The following STYK1 variants were observed in gnomAD, a reference collection of about 807,000 sequenced individuals.
The protein encoded by STYK1 is tyrosine-protein kinase STYK1.
STYK1 carries 46 observed loss-of-function variants against 48.1 expected under a neutral mutation model. The observed-to-expected ratio is 0.96, with a 90% CI of 0.75 to 1.22. The LOEUF is 1.22. Among genes scored for constraint, STYK1 ranks in the 50% most tolerant of loss-of-function variants. The pLI is 0.00. For synonymous variants in STYK1, 188 were observed against 189.0 expected, an observed-to-expected ratio of 0.99 and a Z score of 0.04; for missense variants, 527 against 521.1, an observed-to-expected ratio of 1.01 and a Z score of -0.11.
In STYK1 at chr12:10,624,799, G is replaced by A; in HGVS notation, c.778C>T (p.Gln260Ter). 1 of 1,614,150 alleles carries A rather than the reference G, an allele frequency of 6.2e-7. No homozygotes were observed. The highest frequency in any genetic ancestry group is 8.5e-7 in the Non-Finnish European group (1 of 1,180,022). Reference sequence around the variant, plus strand: ...CAGAGCTTAGCAGTGAGATCACTTTGCATCAGAATATTCCTGGCTGCCACA... The same window carrying A: ...CAGAGCTTAGCAGTGAGATCACTTTACATCAGAATATTCCTGGCTGCCACA... ...GDVAARNILM[Q>*]SDLTAKLCGL... Residue 260 changes from glutamine (Q) to a stop codon, truncating the protein, a stop_gained, in exon 8 of 11, where the codon CAA becomes TAA. Coordinates refer to ENST00000075503, the MANE Select transcript of STYK1 (RefSeq NM_018423.3). LOFTEE classifies it high-confidence loss of function.
chr12:10,645,004 C>T (rs972869922), intron 1 of STYK1, among the ~76,000 whole-genome samples: 4 of 151,734 alleles, frequency 2.6e-5, no homozygotes, highest in South Asian at 4.2e-4. Flanking sequence ...GGAGTTCCAA[C>T]GGATAAGGGC....
chr12:10,643,863 G>A lies in STYK1; in HGVS notation c.-194-6667C>T, dbSNP rs141033083. Among the ~76,000 whole-genome samples, 74 of 152,286 alleles carry A rather than the reference G, an allele frequency of 4.9e-4. 1 individual carries two copies. The East Asian group carries it at 0.01, about 21-fold the overall frequency. On this transcript the variant is annotated intron_variant, in intron 1 of 10. Coordinates refer to ENST00000075503, the MANE Select transcript of STYK1 (RefSeq NM_018423.3). The stretch of plus-strand genomic sequence containing the variant: ...AAGAGATGGCACTGTGCAGGTAGGC[G>A]AGAGGCAGATCATAATGAGCCTTTA...
Position 10,624,873 on chromosome 12 carries a change from A to G in STYK1, c.718-14T>C. The G allele has an allele frequency of 6.2e-7, 1 of 1,610,734 alleles. No homozygotes were observed. Among genetic ancestry groups the G allele is most frequent in the African/African-American group, 1.3e-5 (1 of 74,984 alleles). On this transcript the variant is annotated splice_polypyrimidine_tract_variant and intron_variant, in intron 7 of 10. Coordinates refer to ENST00000075503, the MANE Select transcript of STYK1 (RefSeq NM_018423.3). ...CTGCAGGAATTCCTGTCAAGATAAA[A>G]TCAAATATGATCAGCTGTCTGAGAT...
At chr12:10,635,398 T>A (rs1947475450) in intron 2 of STYK1, among the ~76,000 whole-genome samples, 1 of 152,204 alleles carries the variant, frequency 6.6e-6, no homozygotes, top group Admixed American at 6.5e-5. Context: ...CTCTGAAATA[T>A]CCACACCCTC....
Position 10,621,908 on chromosome 12 carries a change from G to T in STYK1, c.1032C>A (p.Ile344=). 1 of 1,613,892 alleles carries T rather than the reference G, an allele frequency of 6.2e-7. No individual in the cohort carries two copies. The highest frequency in any genetic ancestry group is 8.5e-7 in the Non-Finnish European group (1 of 1,179,854). Residue 344 remains isoleucine (I), a synonymous_variant, in exon 10 of 11, where the codon ATC becomes ATA. Coordinates refer to ENST00000075503, the MANE Select transcript of STYK1 (RefSeq NM_018423.3). The part of the protein sequence containing the change: ...SILEHLQRRK[I]MKRPSSCTHT... ...GTGTGCAGCTACTGGGTCTCTTCAT[G>T]ATTTTCCTTCTTTGGAGATGCTCTA...
In STYK1 at chr12:10,631,318, A is replaced by G. The variant is rs1947426681; in HGVS notation, c.188-10T>C. On this transcript the variant is annotated splice_polypyrimidine_tract_variant and intron_variant, in intron 4 of 10. Coordinates refer to ENST00000075503, the MANE Select transcript of STYK1 (RefSeq NM_018423.3). ...GGAACAGGGGCAATGCCTAGAACAG[A>G]GAGATGATGTCAACCAGTTTTTCCC... 6.2e-7 allele frequency: 1 copy of G among 1,608,262 alleles called. No individual in the cohort carries two copies. Among genetic ancestry groups the G allele is most frequent in the African/African-American group, 1.3e-5 (1 of 74,822 alleles).
intron 1 of STYK1, among the ~76,000 whole-genome samples, chr12:10,649,212 C>T (rs1947633171): frequency 6.6e-6 from 1 of 151,896 alleles, no homozygotes; most frequent in African/African-American, 2.4e-5. Context: ...AAAAATCAAC[C>T]ATGTGTTCAA....
chr12:10,673,314 T>G (rs868478248), intron 1 of STYK1, among the ~76,000 whole-genome samples: 2 of 151,294 alleles, frequency 1.3e-5, no homozygotes, highest in Non-Finnish European at 3.0e-5. Context: ...GAGGCGGAGG[T>G]TGCAGTGAAC....
chr12:10,648,433 T>A (rs1046676992), intron 1 of STYK1, among the ~76,000 whole-genome samples: 13 of 151,942 alleles, frequency 8.6e-5, no homozygotes, highest in African/African-American at 3.1e-4. Context: ...AATATGCCAA[T>A]AAATAAATAG....
chr12:10,659,348 A>C (rs1365897203), intron 1 of STYK1, among the ~76,000 whole-genome samples: 1 of 152,208 alleles, frequency 6.6e-6, no homozygotes, highest in African/African-American at 2.4e-5. Context: ...CTTACGGAAT[A>C]TAGTTATTTG....
chr12:10,631,397 T>C (rs1947427803), intron 4 of STYK1, 89 bp from the exon 5 acceptor site: 8 of 1,511,306 alleles, frequency 5.3e-6, no homozygotes, highest in Non-Finnish European at 7.1e-6. Context: ...AGGAGGTTCC[T>C]TCAGCAGTTT....
At chr12:10,641,001 C>A (rs1256708146) in intron 1 of STYK1, among the ~76,000 whole-genome samples, 1 of 152,234 alleles carries the variant, frequency 6.6e-6, no homozygotes, top group South Asian at 2.1e-4. Context: ...TTTGTATGTA[C>A]CCAATTCCAT....
At chr12:10,649,752 G>T (rs1034718571) in intron 1 of STYK1, among the ~76,000 whole-genome samples, 1 of 152,126 alleles carries the variant, frequency 6.6e-6, no homozygotes, top group African/African-American at 2.4e-5. Flanking sequence ...AAGACCAAGA[G>T]GGAAAACAAT....
At chr12:10,651,257 T>C (rs1322579428) in intron 1 of STYK1, among the ~76,000 whole-genome samples, 1 of 152,174 alleles carries the variant, frequency 6.6e-6, no homozygotes, top group African/African-American at 2.4e-5. Flanking sequence ...GTCTTTTATA[T>C]CTGCCATGAT....
chr12:10,671,392 C>T (rs370307654), intron 1 of STYK1, among the ~76,000 whole-genome samples: 1 of 152,154 alleles, frequency 6.6e-6, no homozygotes, highest in Non-Finnish European at 1.5e-5. Flanking sequence ...CCCTGGAATA[C>T]TCAGTGAGTC....
chr12:10,636,857 G>A (rs371860151), intron 2 of STYK1, among the ~76,000 whole-genome samples: 9 of 152,074 alleles, frequency 5.9e-5, no homozygotes, highest in Non-Finnish European at 1.2e-4. Flanking sequence ...TCATGAGCTC[G>A]GCCCAGAAAA....
rs1429623750 is a variant in STYK1, at chr12:10,634,577, G to T, written c.42C>A (p.Asp14Glu). The T allele has an allele frequency of 6.2e-7, 1 of 1,614,040 alleles. No homozygotes were observed. The highest frequency in any genetic ancestry group is 1.3e-5 in the African/African-American group (1 of 74,992). Reference protein sequence around the residue: ...TRMLLECSLSDKLCVIQEKQY... With the variant: ...TRMLLECSLSEKLCVIQEKQY... ...GGAATCCGTACTTACCACACAACTT[G>T]TCACTGAGACTGCATTCCAGGAGCA... Residue 14 changes from aspartate (D) to glutamate (E), a missense_variant, in exon 3 of 11, where the codon GAC (aspartate) becomes GAA (glutamate). Transcript: ENST00000075503.
At chr12:10,648,437 T>C (rs1197661846) in intron 1 of STYK1, among the ~76,000 whole-genome samples, 1 of 151,778 alleles carries the variant, frequency 6.6e-6, no homozygotes, top group East Asian at 1.9e-4. Flanking sequence ...TGCCAATAAA[T>C]AAATAGTCAA....
rs1219074924 is a variant in STYK1, at chr12:10,629,604, G to C, written c.522C>G (p.His174Gln). The C allele has an allele frequency of 6.2e-7, 1 of 1,614,156 alleles. No homozygotes were observed. Among genetic ancestry groups the C allele is most frequent in the South Asian group, 1.1e-5 (1 of 91,080 alleles). ...AGCCTTCCAGCTGCACCAGGTTTTTGTGTTTCCCCAGGTATTGATGGAATT... is the reference window on the plus strand; with the variant it reads ...AGCCTTCCAGCTGCACCAGGTTTTTCTGTTTCCCCAGGTATTGATGGAATT... ...RIQFHQYLGK[H>Q]KNLVQLEGCC... Residue 174 changes from histidine to glutamine, a missense_variant, in exon 6 of 11, where the codon CAC becomes CAG. Physicochemically the swap from His to Gln is conservative, Grantham distance 24. Coordinates refer to ENST00000075503, the MANE Select transcript of STYK1 (RefSeq NM_018423.3).
Sources: allele counts gnomAD v4.1 joint callset (sites outside exome capture counted in the v4.1 genomes callset), GRCh38; gene constraint gnomAD v4.1.1; transcripts MANE v1.5; gene names NCBI Gene and HGNC (gene_info 2026-07-23, HGNC 2026-07-21).